The following CCDC171 variants were observed in gnomAD, a reference collection of about 807,000 sequenced individuals.
CCDC171 encodes the protein coiled-coil domain-containing protein 171.
CCDC171 carries 177 observed loss-of-function variants against 168.2 expected under a neutral mutation model. The observed-to-expected ratio is 1.05, with a 90% CI of 0.93 to 1.19. The LOEUF is 1.19. Among genes scored for constraint, CCDC171 ranks in the 50% most tolerant of loss-of-function variants. The pLI is 0.00. For synonymous variants in CCDC171, 687 were observed against 540.8 expected (o/e 1.27, Z -3.75); for missense variants, 1,991 against 1,539.0 (o/e 1.29, Z -4.91).
chr9:16,007,170 C>T (rs1174396209), intron 3 of CCDC171, among the ~76,000 whole-genome samples: 2 of 152,212 alleles, frequency 1.3e-5, no homozygotes, highest in African/African-American at 4.8e-5. Context: ...ATTTGCATTT[C>T]CCTGATGGCC....
At chr9:15,772,365 G>A (rs929185431) in intron 18 of CCDC171, among the ~76,000 whole-genome samples, 15 of 149,866 alleles carry the variant, frequency 1.0e-4, no homozygotes, top group East Asian at 1.9e-4. Flanking sequence ...TTTTTTTGTC[G>A]TTTTCTGGGC....
At chr9:15,581,266 C>G (rs560372781) in intron 4 of CCDC171, among the ~76,000 whole-genome samples, 2 of 152,120 alleles carry the variant, frequency 1.3e-5, no homozygotes, top group African/African-American at 4.8e-5. Context: ...AACCACTGCT[C>G]AAGGAAATAA....
intron 16 of CCDC171, among the ~76,000 whole-genome samples, chr9:15,739,306 A>G (rs879368094): frequency 1.2e-4 from 18 of 152,240 alleles, no homozygotes; most frequent in Non-Finnish European, 2.2e-4. Context: ...TGGTGAGGCT[A>G]ATGCCTGTAT....
Position 15,629,732 on chromosome 9 carries a change from C to T in CCDC171, c.822+6319C>T, listed in dbSNP as rs2045513012. Among the ~76,000 whole-genome samples the T allele has an allele frequency of 2.0e-5, 3 of 152,154 alleles. No homozygotes were observed. The South Asian group carries it at 6.2e-4, about 32-fold the overall frequency. Reference sequence around the variant, plus strand: ...CTCTAAGACACATAATTGTCAGATTCACCAAAGTTGAAATGAAGGAAAAAA... The same window carrying T: ...CTCTAAGACACATAATTGTCAGATTTACCAAAGTTGAAATGAAGGAAAAAA... On this transcript the variant is annotated intron_variant, in intron 7 of 25. Coordinates refer to ENST00000380701, the MANE Select transcript of CCDC171 (RefSeq NM_173550.4).
Position 15,819,990 on chromosome 9 carries a change from G to C in CCDC171, c.3268-26712G>C, listed in dbSNP as rs572095381. Among the ~76,000 whole-genome samples the C allele has an allele frequency of 1.9e-3, 219 of 115,030 alleles. 64 individuals carry two copies. Among genetic ancestry groups the C allele is most frequent in the African/African-American group, 4.9e-3 (147 of 30,022 alleles). The allele number at this position is 115,030 out of a possible 152,430, so 75.5% of individuals were successfully genotyped here. ...AAGAACAGAAATTATAACAAACTGT[G>C]TCTCAGACCACAGTGCAATCAAACT... On this transcript the variant is annotated intron_variant, in intron 21 of 25. Transcript: ENST00000380701.
chr9:15,978,442 A>C (rs1321231561), downstream of CCDC171, among the ~76,000 whole-genome samples: 1 of 148,562 alleles, frequency 6.7e-6, no homozygotes, highest in African/African-American at 2.6e-5. Flanking sequence ...GAGTCCTGGC[A>C]CATGGAGGTC....
At chr9:16,028,770 G>A (rs971711499) in intron 6 of CCDC171, among the ~76,000 whole-genome samples, 2 of 152,186 alleles carry the variant, frequency 1.3e-5, no homozygotes, top group African/African-American at 4.8e-5. Context: ...CTTCCCGTGG[G>A]CTGCTCTCAG....
intron 7 of CCDC171, 53 bp downstream of exon 7, chr9:15,623,466 C>CGCGCGCGCGCGCGT (rs1472394144): frequency 4.3e-6 from 3 of 704,564 alleles, no homozygotes; most frequent in Non-Finnish European, 4.3e-6. Context: ...TTCACATATG[C>CGCGCGCGCGCGCGT]GCGCGCGCGC....
At chr9:15,605,085 G>A (rs2043122848) in intron 6 of CCDC171, among the ~76,000 whole-genome samples, 1 of 151,968 alleles carries the variant, frequency 6.6e-6, no homozygotes, top group South Asian at 2.1e-4. Context: ...TTGTAGAGAT[G>A]GGGGTCTTCC....
At chr9:15,558,388 G>A (rs1201489527) in intron 1 of CCDC171, among the ~76,000 whole-genome samples, 3 of 151,632 alleles carry the variant, frequency 2.0e-5, no homozygotes, top group African/African-American at 7.3e-5. Context: ...TGGTTGGTAG[G>A]CTATTATTGC....
intron 25 of CCDC171, among the ~76,000 whole-genome samples, chr9:15,957,515 C>G (rs976850651): frequency 2.0e-5 from 3 of 152,176 alleles, no homozygotes; most frequent in African/African-American, 7.2e-5. Flanking sequence ...CCTAACTGTC[C>G]TGCATTCAAA....
intron 3 of CCDC171, among the ~76,000 whole-genome samples, chr9:15,979,742 T>G (rs35372061): frequency 0.076 from 11,536 of 151,840 alleles, 1,429 homozygotes; most frequent in African/African-American, 0.26. Flanking sequence ...AAGGAGTATT[T>G]GTTTGAAGTT....
At chr9:15,613,621 C>G (rs2043868412) in intron 6 of CCDC171, among the ~76,000 whole-genome samples, 1 of 150,870 alleles carries the variant, frequency 6.6e-6, no homozygotes, top group South Asian at 2.1e-4. Context: ...CTTCTGGGTT[C>G]AAGCGGTTCT....
chr9:16,028,701 C>T (rs1406498940), intron 6 of CCDC171, among the ~76,000 whole-genome samples: 1 of 152,092 alleles, frequency 6.6e-6, no homozygotes, highest in Middle Eastern at 3.2e-3. Flanking sequence ...GAGAATAATT[C>T]ACTGACTGAG....
At chr9:15,599,072 AG>A (rs2042617316) in intron 6 of CCDC171, among the ~76,000 whole-genome samples, 1 of 152,138 alleles carries the variant, frequency 6.6e-6, no homozygotes, top group Admixed American at 6.6e-5. Flanking sequence ...TCCTGAATAC[AG>A]CACGCTGATG....
intron 23 of CCDC171, among the ~76,000 whole-genome samples, chr9:15,864,234 C>T (rs1278329894): frequency 5.9e-5 from 9 of 152,004 alleles, no homozygotes; most frequent in Admixed American, 5.9e-4. Context: ...CAACATCAAT[C>T]TCTAAAAGCA....
intron 3 of CCDC171, among the ~76,000 whole-genome samples, chr9:16,003,936 C>A (rs887258107): frequency 6.6e-6 from 1 of 152,124 alleles, no homozygotes; most frequent in Non-Finnish European, 1.5e-5. Context: ...AAACACACGG[C>A]GGGGAGTCTG....
the CCDC171 span, among the ~76,000 whole-genome samples, chr9:16,081,073 C>T: frequency 6.6e-6 from 1 of 152,158 alleles, no homozygotes; most frequent in South Asian, 2.1e-4. Context: ...CTCCTTCCTG[C>T]GAGTAGCGGG....
At position 15,563,982 on chromosome 9, in the gene CCDC171, C is replaced by A; in HGVS notation, c.-107C>A. The A allele has an allele frequency of 1.2e-6, 1 of 805,104 alleles. No homozygotes were observed. Among genetic ancestry groups the A allele is most frequent in the Non-Finnish European group, 2.1e-6 (1 of 477,014 alleles). 49.9% of individuals were successfully genotyped at this position (805,104 alleles called of 1,614,324 possible). ...TATCATTTACTATTTTAACAGACCT[C>A]AAATCATCTAACGTGAAGCCACAGA... On this transcript the variant is annotated 5_prime_UTR_variant, in exon 2 of 26. Coordinates refer to ENST00000380701, the MANE Select transcript of CCDC171 (RefSeq NM_173550.4).
Sources: allele counts gnomAD v4.1 joint callset (sites outside exome capture counted in the v4.1 genomes callset), GRCh38; gene constraint gnomAD v4.1.1; transcripts MANE v1.5; gene names NCBI Gene and HGNC (gene_info 2026-07-23, HGNC 2026-07-21).